Variants in SWT1 observed in about 807,000 individuals in gnomAD.
The protein encoded by SWT1 is transcriptional protein SWT1.
Under a neutral mutation model 107.3 loss-of-function variants are expected in SWT1, and 33 were observed. The observed-to-expected ratio is 0.31, with a 90% CI of 0.23 to 0.41. SWT1 has a LOEUF of 0.41. SWT1 is among the 10% of genes least tolerant of loss of function. The probability of loss-of-function intolerance (pLI) is 1.00; values close to 1 mark genes in which losing one functional copy is unlikely to be tolerated. For synonymous variants in SWT1, 345 were observed against 348.3 expected, an observed-to-expected ratio of 0.99 and a Z score of 0.11; for missense variants, 898 against 1,028.9, an observed-to-expected ratio of 0.87 and a Z score of 1.74.
At chr1:185,243,962 C>A (rs1458292995) in intron 16 of SWT1, among the ~76,000 whole-genome samples, 1 of 152,028 alleles carries the variant, frequency 6.6e-6, no homozygotes, top group African/African-American at 2.4e-5. Context: ...GTTTTGTATG[C>A]TATTGGAGTG....
chr1:185,225,381 G>T (rs1170341014), intron 15 of SWT1, among the ~76,000 whole-genome samples: 1 of 151,944 alleles, frequency 6.6e-6, no homozygotes, highest in Non-Finnish European at 1.5e-5. Flanking sequence ...TCATTTTCTT[G>T]CCGTGTCCTT....
intron 16 of SWT1, chr1:185,251,442 A>G (rs914263947): frequency 1.1e-4 from 16 of 152,322 alleles, no homozygotes; most frequent in African/African-American, 3.8e-4. Flanking sequence ...TGTCCATATT[A>G]TTATATACTT....
In SWT1 at chr1:185,175,826, A is replaced by G. The variant is rs543340254; in HGVS notation, c.966+713A>G. On this transcript the variant is annotated intron_variant, in intron 5 of 18. Transcript: ENST00000367500. ...ACCGTGTACCAGGCACCACAATAAA[A>G]TAGCTTGTAAGAGATAACACAGTTT... 1.5e-4 allele frequency among the ~76,000 whole-genome samples: 23 copies of G among 152,358 alleles called. 1 individual carries two copies. The highest frequency in any genetic ancestry group is 1.4e-3 in the Admixed American group (21 of 15,304).
At chr1:185,252,840 G>T (rs796250245) in intron 16 of SWT1, among the ~76,000 whole-genome samples, 1 of 150,074 alleles carries the variant, frequency 6.7e-6, no homozygotes, top group Admixed American at 6.6e-5. Flanking sequence ...TGGTGTTTTA[G>T]ACATGAAGTC....
chr1:185,200,549 A>G (rs970177341), intron 10 of SWT1, among the ~76,000 whole-genome samples: 3 of 152,088 alleles, frequency 2.0e-5, no homozygotes, highest in Non-Finnish European at 4.4e-5. Flanking sequence ...TCCACTCCAG[A>G]CCTTGTTTGC....
In SWT1 at chr1:185,175,133, A is replaced by C. The variant is rs755479016; in HGVS notation, c.966+20A>C. The C allele has an allele frequency of 6.8e-7, 1 of 1,472,788 alleles. No individual in the cohort carries two copies. Among genetic ancestry groups the C allele is most frequent in the Admixed American group, 2.5e-5 (1 of 40,100 alleles). 91.2% of individuals were successfully genotyped at this position (1,472,788 alleles called of 1,614,324 possible). The stretch of plus-strand genomic sequence containing the variant: ...ACCCAGGTAAGGTAGTAAAAAATGA[A>C]GAATATAGGTTTTAACTGAGAGTTT... On this transcript the variant is annotated intron_variant, in intron 5 of 18. Coordinates refer to ENST00000367500, the MANE Select transcript of SWT1 (RefSeq NM_017673.7).
intron 1 of SWT1, among the ~76,000 whole-genome samples, chr1:185,158,402 A>G (rs1653828394): frequency 6.6e-6 from 1 of 151,692 alleles, no homozygotes; most frequent in Non-Finnish European, 1.5e-5. Context: ...CTGAATGTGT[A>G]GTTGACTCAT....
At chr1:185,194,572 A>T (rs1007084770) in intron 10 of SWT1, among the ~76,000 whole-genome samples, 2 of 140,818 alleles carry the variant, frequency 1.4e-5, no homozygotes, top group Non-Finnish European at 3.1e-5. Context: ...TGGATACTTT[A>T]AAAAAAAAAA....
At chr1:185,273,335 G>A (rs1484204515) in intron 17 of SWT1, among the ~76,000 whole-genome samples, 3 of 152,014 alleles carry the variant, frequency 2.0e-5, no homozygotes, top group Admixed American at 1.3e-4. Context: ...GACCTGGGAG[G>A]TGGAGGTTGC....
intron 11 of SWT1, 98 bp downstream of exon 11, chr1:185,202,897 T>A: frequency 3.2e-6 from 2 of 627,952 alleles, no homozygotes; most frequent in Non-Finnish European, 2.4e-6. Flanking sequence ...ATTTTGTACA[T>A]TTAAAATAAC....
At chr1:185,284,968 C>T (rs1664864662) in intron 18 of SWT1, among the ~76,000 whole-genome samples, 2 of 151,900 alleles carry the variant, frequency 1.3e-5, no homozygotes, top group Non-Finnish European at 2.9e-5. Flanking sequence ...CCTGCAGCCA[C>T]ACTCACACAC....
intron 16 of SWT1, among the ~76,000 whole-genome samples, chr1:185,257,132 G>T (rs1662610818): frequency 6.6e-6 from 1 of 152,126 alleles, no homozygotes; most frequent in Non-Finnish European, 1.5e-5. Context: ...GAGGCAGTCT[G>T]CCCGTTCTCA....
chr1:185,192,890 C>T (rs190454495), intron 10 of SWT1, among the ~76,000 whole-genome samples: 47 of 152,188 alleles, frequency 3.1e-4, no homozygotes, highest in Middle Eastern at 3.4e-3. Flanking sequence ...TCAGATGATC[C>T]GGCCACCTCG....
chr1:185,200,530 T>C (rs1657783443), intron 10 of SWT1, among the ~76,000 whole-genome samples: 1 of 152,204 alleles, frequency 6.6e-6, no homozygotes, highest in South Asian at 2.1e-4. Context: ...TGCTGGAGTT[T>C]GCTGGAGTTC....
At chr1:185,163,000 A>T (rs551564085) in intron 2 of SWT1, among the ~76,000 whole-genome samples, 1 of 152,158 alleles carries the variant, frequency 6.6e-6, no homozygotes, top group South Asian at 2.1e-4. Flanking sequence ...CTTCATTGCT[A>T]AAAAAATGCT....
At chr1:185,168,443 G>A in intron 4 of SWT1, 45 bp downstream of exon 4, 1 of 1,250,410 alleles carries the variant, frequency 8.0e-7, no homozygotes, top group African/African-American at 1.6e-5. Flanking sequence ...TTAGAATTAT[G>A]AGACTAAATA....
chr1:185,271,189 A>G, intron 16 of SWT1, 134 bp from the exon 17 acceptor site: 1 of 540,694 alleles, frequency 1.8e-6, no homozygotes, highest in Non-Finnish European at 3.4e-6. Context: ...ATTTTTAAAA[A>G]TATTATAAAC....
At chr1:185,265,352 T>C (rs1473513406) in intron 16 of SWT1, among the ~76,000 whole-genome samples, 1 of 152,222 alleles carries the variant, frequency 6.6e-6, no homozygotes, top group Non-Finnish European at 1.5e-5. Flanking sequence ...ATTTTCCAAA[T>C]TAACTATAGA....
chr1:185,211,302 G>A (rs1356799114), intron 13 of SWT1, among the ~76,000 whole-genome samples: 1 of 152,064 alleles, frequency 6.6e-6, no homozygotes, highest in East Asian at 1.9e-4. Context: ...ATACTACAAG[G>A]CTACAGTAAC....
Sources: allele counts gnomAD v4.1 joint callset (sites outside exome capture counted in the v4.1 genomes callset), GRCh38; gene constraint gnomAD v4.1.1; transcripts MANE v1.5; gene names NCBI Gene and HGNC (gene_info 2026-07-23, HGNC 2026-07-21).